Variants in KCNJ8 observed in about 807,000 individuals in gnomAD.
KCNJ8 encodes the protein ATP-sensitive inward rectifier potassium channel 8.
In KCNJ8, 13 loss-of-function variants were observed where a neutral mutation model predicts 28.2. The ratio of observed to expected loss-of-function variants is 0.46; its 90% CI spans 0.30 to 0.73. The LOEUF is 0.73. Among genes scored for constraint, KCNJ8 ranks in the 30% least tolerant of loss-of-function variants. KCNJ8 has a pLI of 0.07. For synonymous variants in KCNJ8, 188 were observed against 195.9 expected (o/e 0.96, Z 0.34); for missense variants, 284 against 542.6 (o/e 0.52, Z 4.73).
rs1940815827 is a variant in KCNJ8 at position 21,773,681 on chromosome 12, G to T, written c.-65C>A. 1 of 1,599,486 alleles carries T rather than the reference G, an allele frequency of 6.3e-7. No homozygotes were observed. The highest frequency in any genetic ancestry group is 1.7e-5 in the Admixed American group (1 of 60,006). On this transcript the variant is annotated 5_prime_UTR_variant, in exon 2 of 3. Transcript: ENST00000240662. This position sits in a 1 kb window ranked among gnomAD's most constrained non-coding sequence, Gnocchi z 4.6. ...CCTGCCTCTCCGTCCCTGGACACCC[G>T]TCCTCCTGCACGAGGGAAACATTTA... is the stretch of plus-strand genomic sequence containing the variant.
At position 21,765,841 on chromosome 12, in the gene KCNJ8, A is replaced by T. The variant is rs1460965494; in HGVS notation, c.1157T>A (p.Met386Lys). 2 of 1,614,092 alleles carry T rather than the reference A, an allele frequency of 1.2e-6. No individual in the cohort carries two copies. Among genetic ancestry groups the T allele is most frequent in the Non-Finnish European group, 1.7e-6 (2 of 1,179,962 alleles). Residue 386 changes from methionine to lysine, a missense_variant, in exon 3 of 3, where the codon ATG becomes AAG. Met to Lys is a moderately conservative substitution (Grantham distance 95). Coordinates refer to ENST00000240662, the MANE Select transcript of KCNJ8 (RefSeq NM_004982.4). ...HQNSLRKRNS[M>K]RRNNSMRRNN... ...CCTCCTCATGGAATTGTTTCTTCTCATGGAGTTGCGCTTCCTCAGAGAATT... is the reference window on the plus strand; with the variant it reads ...CCTCCTCATGGAATTGTTTCTTCTCTTGGAGTTGCGCTTCCTCAGAGAATT...
At position 21,765,682 on chromosome 12, in the gene KCNJ8, G is replaced by T. The variant is rs199513950; in HGVS notation, c.*41C>A. 3 of 1,584,192 alleles carry T rather than the reference G, an allele frequency of 1.9e-6. No homozygotes were observed. Among genetic ancestry groups the T allele is most frequent in the South Asian group, 2.2e-5 (2 of 90,412 alleles). Reference sequence around the variant, plus strand: ...AGTCTGGCAGTGCCCAGCATAAACCGTCAAAACTTGATAAAAGACTGTCTT... The same window carrying T: ...AGTCTGGCAGTGCCCAGCATAAACCTTCAAAACTTGATAAAAGACTGTCTT... On this transcript the variant is annotated 3_prime_UTR_variant, in exon 3 of 3. Coordinates refer to ENST00000240662, the MANE Select transcript of KCNJ8 (RefSeq NM_004982.4).
Position 21,765,973 on chromosome 12 carries a change from A to G in KCNJ8, c.1025T>C (p.Phe342Ser). ...AGCAGCTACTTTAACAGTGTTGCCA[A>G]ATTTGGAGTAATCCACAGAATACAC... ...EGVYSVDYSK[F>S]GNTVKVAAPR... is the part of the protein sequence containing the mutation. Residue 342 changes from phenylalanine to serine, a missense_variant, in exon 3 of 3, where the codon TTT (phenylalanine) becomes TCT (serine). Around this residue, in one of 8 missense-constraint regions of KCNJ8, gnomAD observed 107 missense variants for 235.6 expected, o/e 0.45. Transcript: ENST00000240662. 6.2e-7 allele frequency: 1 copy of G among 1,614,174 alleles called. No individual in the cohort carries two copies. The highest frequency in any genetic ancestry group is 8.5e-7 in the Non-Finnish European group (1 of 1,180,022).
In KCNJ8 at chr12:21,766,018, A is replaced by G. The variant is rs1940609307; in HGVS notation, c.980T>C (p.Ile327Thr). 5 of 1,614,194 alleles carry G rather than the reference A, an allele frequency of 3.1e-6. No individual in the cohort carries two copies. Among genetic ancestry groups the G allele is most frequent in the Non-Finnish European group, 4.2e-6 (5 of 1,180,040 alleles). ...ATACACTCCTTCTTCCTCAGTCACAATGGACACAAAGCGGTGGCCCCATTG... is the reference window on the plus strand; with the variant it reads ...ATACACTCCTTCTTCCTCAGTCACAGTGGACACAAAGCGGTGGCCCCATTG... The part of the protein sequence containing the change: ...EIQWGHRFVS[I>T]VTEEEGVYSV... The change falls in exon 3 of 3, where the codon ATT becomes ACT. Residue 327 changes from isoleucine to threonine, a missense_variant. By Grantham distance (89) the Ile-to-Thr change is moderately conservative. Coordinates refer to ENST00000240662, the MANE Select transcript of KCNJ8 (RefSeq NM_004982.4). The surrounding 1 kb of genome is among the most constrained non-coding windows in gnomAD (Gnocchi z 6.5).
In KCNJ8 at chr12:21,764,994, T is replaced by C. The variant is rs1221283015; in HGVS notation, c.*729A>G. The C allele has an allele frequency of 6.5e-6, 1 of 152,894 alleles. No homozygotes were observed. Among genetic ancestry groups the C allele is most frequent in the Non-Finnish European group, 1.5e-5 (1 of 68,580 alleles). 9.5% of individuals were successfully genotyped at this position (152,894 alleles called of 1,614,324 possible). On this transcript the variant is annotated 3_prime_UTR_variant, in exon 3 of 3. Transcript: ENST00000240662. ...TTTAATAAAATATTCAATACAGTAT[T>C]TCCCTGTGGGGATTCTAGAAGAAGA...
At position 21,766,038 on chromosome 12, in the gene KCNJ8, C is replaced by T. The variant is rs1431835832; in HGVS notation, c.960G>A (p.Trp320Ter). 1 of 1,614,106 alleles carries T rather than the reference C, an allele frequency of 6.2e-7. No homozygotes were observed. Among genetic ancestry groups the T allele is most frequent in the Non-Finnish European group, 8.5e-7 (1 of 1,180,006 alleles). The change falls in exon 3 of 3, where the codon TGG becomes TGA. Residue 320 changes from tryptophan to a stop codon, truncating the protein, a stop_gained. Transcript: ENST00000240662. LOFTEE classifies it high-confidence loss of function. The surrounding 1 kb of genome is among the most constrained non-coding windows in gnomAD (Gnocchi z 6.5). ...RTSYIAEEIQ[W>*]GHRFVSIVTE... is the part of the protein sequence containing the mutation. Reference sequence around the variant, plus strand: ...TCACAATGGACACAAAGCGGTGGCCCCATTGGATCTCCTCAGCAATGTAGG... The same window carrying T: ...TCACAATGGACACAAAGCGGTGGCCTCATTGGATCTCCTCAGCAATGTAGG...
rs2137046937 is a variant in KCNJ8 at position 21,765,679 on chromosome 12, AC to A, written c.*43del. 6.4e-7 allele frequency: 1 copy of A among 1,565,258 alleles called. No individual in the cohort carries two copies. Among genetic ancestry groups the A allele is most frequent in the East Asian group, 2.2e-5 (1 of 44,608 alleles). ...TTCAGTCTGGCAGTGCCCAGCATAAACCGTCAAAACTTGATAAAAGACTGTC... is the reference window on the plus strand; with the variant it reads ...TTCAGTCTGGCAGTGCCCAGCATAAACGTCAAAACTTGATAAAAGACTGTC... On this transcript the variant is annotated 3_prime_UTR_variant, in exon 3 of 3. Coordinates refer to ENST00000240662, the MANE Select transcript of KCNJ8 (RefSeq NM_004982.4).
chr12:21,772,557 A>G (rs1940787116), intron 2 of KCNJ8, among the ~76,000 whole-genome samples: 1 of 152,220 alleles, frequency 6.6e-6, no homozygotes, highest in Non-Finnish European at 1.5e-5. Context: ...CTTTGAAAGA[A>G]GAGTACAAAA....
At chr12:21,767,052 G>A (rs979175811) in intron 2 of KCNJ8, among the ~76,000 whole-genome samples, 4 of 151,988 alleles carry the variant, frequency 2.6e-5, no homozygotes, top group South Asian at 2.1e-4. Flanking sequence ...TATTTATTGC[G>A]TATCTATGTT....
Position 21,765,532 on chromosome 12 carries a change from A to G in KCNJ8, c.*191T>C, listed in dbSNP as rs962677311. The G allele has an allele frequency of 3.2e-6, 2 of 633,262 alleles. No homozygotes were observed. The highest frequency in any genetic ancestry group is 1.9e-5 in the South Asian group (1 of 53,902). The allele number at this position is 633,262 out of a possible 1,614,324, so 39.2% of individuals were successfully genotyped here. On this transcript the variant is annotated 3_prime_UTR_variant, in exon 3 of 3. Transcript: ENST00000240662. ...ATTCTACATGTATGAAACAAGCATA[A>G]GCCATGAATCCTCCACTTGGTGTGT...
chr12:21,769,224 C>T (rs1255077875), intron 2 of KCNJ8, among the ~76,000 whole-genome samples: 1 of 152,116 alleles, frequency 6.6e-6, no homozygotes, highest in African/African-American at 2.4e-5. Context: ...TCGTAGAGCC[C>T]CAAAGTATTA....
In KCNJ8 at chr12:21,773,106, G is replaced by T; in HGVS notation, c.374+137C>A. On this transcript the variant is annotated intron_variant, in intron 2 of 2. Transcript: ENST00000240662. This position sits in a 1 kb window ranked among gnomAD's most constrained non-coding sequence, Gnocchi z 4.6. ...TGTGTTAGGTGTTGTTCTTTATTGT[G>T]CTTTTTTGTTTCTGAAGATTCTAAA... is the stretch of plus-strand genomic sequence containing the variant. The T allele has an allele frequency of 1.0e-6, 1 of 990,734 alleles. No homozygotes were observed. Among genetic ancestry groups the T allele is most frequent in the Non-Finnish European group, 1.6e-6 (1 of 640,002 alleles). 61.4% of individuals were successfully genotyped at this position (990,734 alleles called of 1,614,324 possible). A position where few individuals can be genotyped will look rare whatever the true frequency, so the allele number is the denominator to read the frequency against.
At chr12:21,770,220 C>CA (rs1172864948) in intron 2 of KCNJ8, among the ~76,000 whole-genome samples, 1 of 152,164 alleles carries the variant, frequency 6.6e-6, no homozygotes, top group Non-Finnish European at 1.5e-5. Flanking sequence ...CTAGCCCCTC[C>CA]ACCAGCAAAA....
chr12:21,767,486 G>A (rs913729518), intron 2 of KCNJ8, among the ~76,000 whole-genome samples: 2 of 152,100 alleles, frequency 1.3e-5, no homozygotes, highest in African/African-American at 4.8e-5. Flanking sequence ...ATTGTGAATT[G>A]CACATGTGGG....
At chr12:21,768,841 G>T (rs1940695009) in intron 2 of KCNJ8, among the ~76,000 whole-genome samples, 1 of 152,212 alleles carries the variant, frequency 6.6e-6, no homozygotes. Flanking sequence ...TTCTATGAAG[G>T]ATGAGAGGTG....
rs746995714 is a variant in KCNJ8 at position 21,766,000 on chromosome 12, CCTT to C, written c.995_997del (p.Glu332del). 12 of 1,614,076 alleles carry C rather than the reference CCTT, an allele frequency of 7.4e-6. No homozygotes were observed. The highest frequency in any genetic ancestry group is 1.6e-4 in the Middle Eastern group (1 of 6,084). ...TTTGGAGTAATCCACAGAATACACT[CCTT>C]CTTCCTCAGTCACAATGGACACAAA... On this transcript the variant is annotated inframe_deletion, in exon 3 of 3. Coordinates refer to ENST00000240662, the MANE Select transcript of KCNJ8 (RefSeq NM_004982.4).
Position 21,765,643 on chromosome 12 carries a change from TC to T in KCNJ8, c.*79del. Reference sequence around the variant, plus strand: ...AATGTAGAAGGACACATTATTGTGTTCCAGCTCTGGTTCAGTCTGGCAGTGC... The same window carrying T: ...AATGTAGAAGGACACATTATTGTGTTCAGCTCTGGTTCAGTCTGGCAGTGC... On this transcript the variant is annotated 3_prime_UTR_variant, in exon 3 of 3. Transcript: ENST00000240662. 1 of 1,176,300 alleles carries T rather than the reference TC, an allele frequency of 8.5e-7. No homozygotes were observed. Among genetic ancestry groups the T allele is most frequent in the East Asian group, 2.3e-5 (1 of 42,900 alleles). 72.9% of individuals were successfully genotyped at this position (1,176,300 alleles called of 1,614,324 possible).
Position 21,773,668 on chromosome 12 carries a change from T to G in KCNJ8, c.-52A>C. ...CACCTCCCTCTCACCTGCCTCTCCG[T>G]CCCTGGACACCCGTCCTCCTGCACG... On this transcript the variant is annotated 5_prime_UTR_variant, in exon 2 of 3. Coordinates refer to ENST00000240662, the MANE Select transcript of KCNJ8 (RefSeq NM_004982.4). This position sits in a 1 kb window ranked among gnomAD's most constrained non-coding sequence, Gnocchi z 4.6. 6.2e-7 allele frequency: 1 copy of G among 1,605,054 alleles called. No individual in the cohort carries two copies. Among genetic ancestry groups the G allele is most frequent in the Non-Finnish European group, 8.5e-7 (1 of 1,179,542 alleles).
At chr12:21,767,477 T>C (rs753035662) in intron 2 of KCNJ8, among the ~76,000 whole-genome samples, 8 of 152,104 alleles carry the variant, frequency 5.3e-5, no homozygotes, top group Non-Finnish European at 1.0e-4. Context: ...GTGAACCTTA[T>C]TGTGAATTGC....
Sources: gnomAD v4.1 joint callset for allele counts (sites outside exome capture counted in the v4.1 genomes callset) on GRCh38, gnomAD v4.1.1 for gene constraint, gnomAD v4.1.1 regional missense constraint, Gnocchi (gnomAD v3.1) non-coding constraint, MANE v1.5 for transcripts, NCBI Gene and HGNC (gene_info 2026-07-23, HGNC 2026-07-21) for gene names.